Variants in CREB5 observed in about 807,000 individuals in gnomAD.
The protein encoded by CREB5 is cAMP responsive element binding protein 5.
A neutral mutation model predicts 57.1 loss-of-function variants in CREB5; 19 were observed. The ratio of observed to expected loss-of-function variants is 0.33; its 90% CI spans 0.23 to 0.49. CREB5 has a LOEUF of 0.49. CREB5 is among the 20% of genes least tolerant of loss of function. The pLI, the probability that CREB5 is intolerant of heterozygous loss-of-function variation, is 0.99. For synonymous variants in CREB5, 238 were observed against 238.3 expected (o/e 1.00, Z 0.01); for missense variants, 579 against 671.6 (o/e 0.86, Z 1.52).
chr7:28,668,987 C>T (rs1017577353), intron 5 of CREB5, among the ~76,000 whole-genome samples: 18 of 152,140 alleles, frequency 1.2e-4, no homozygotes, highest in African/African-American at 4.3e-4. Context: ...TCCCAGTATG[C>T]AACACGAGAA....
chr7:28,700,105 T>C (rs1801772724), intron 5 of CREB5, among the ~76,000 whole-genome samples: 1 of 152,224 alleles, frequency 6.6e-6, no homozygotes, highest in Admixed American at 6.5e-5. Context: ...TATTAAGCTA[T>C]GAATGACAGT....
chr7:28,449,505 C>A (rs1488879227), intron 1 of CREB5, among the ~76,000 whole-genome samples: 1 of 152,222 alleles, frequency 6.6e-6, no homozygotes, highest in East Asian at 1.9e-4. Context: ...TTGCCCTCCT[C>A]TCTTCTACAT....
At chr7:28,400,857 G>C (rs1787447268) in intron 1 of CREB5, among the ~76,000 whole-genome samples, 1 of 152,182 alleles carries the variant, frequency 6.6e-6, no homozygotes, top group South Asian at 2.1e-4. Flanking sequence ...ACAAAAAGAA[G>C]TGCTATGTGA....
intron 5 of CREB5, among the ~76,000 whole-genome samples, chr7:28,695,554 T>G (rs955235483): frequency 1.3e-5 from 2 of 152,204 alleles, no homozygotes; most frequent in African/African-American, 4.8e-5. Context: ...ACAAGATAGC[T>G]TGCTTTTTGC....
chr7:28,695,339 C>T (rs908509138), intron 5 of CREB5, among the ~76,000 whole-genome samples: 1 of 152,216 alleles, frequency 6.6e-6, no homozygotes, highest in Non-Finnish European at 1.5e-5. Flanking sequence ...CATTTCTGCC[C>T]TGCCAGGCCA....
chr7:28,752,802 G>GA (rs889421820), intron 7 of CREB5, among the ~76,000 whole-genome samples: 5 of 150,724 alleles, frequency 3.3e-5, no homozygotes, highest in Admixed American at 6.6e-5. Context: ...TATATAATGA[G>GA]AAAAAAACAG....
chr7:28,381,044 C>A (rs888934995), intron 1 of CREB5, among the ~76,000 whole-genome samples: 2 of 152,124 alleles, frequency 1.3e-5, no homozygotes, highest in African/African-American at 2.4e-5. Flanking sequence ...CTCATTACAT[C>A]CCGGTTCCAG....
intron 5 of CREB5, among the ~76,000 whole-genome samples, chr7:28,658,961 A>ATATATATATATATATATATATATATATG (rs1799459897): frequency 7.3e-6 from 1 of 136,808 alleles, no homozygotes; most frequent in Non-Finnish European, 1.6e-5. Context: ...GTGTATATAT[A>ATATATATATATATATATATATATATATG]TATATATATA....
chr7:28,737,669 G>T (rs569913591), intron 7 of CREB5, among the ~76,000 whole-genome samples: 6 of 150,276 alleles, frequency 4.0e-5, no homozygotes, highest in Admixed American at 1.3e-4. Context: ...TGTTCAAGGT[G>T]CATAGTCTCA....
intron 4 of CREB5, among the ~76,000 whole-genome samples, chr7:28,533,490 C>G (rs112494581): frequency 6.6e-6 from 1 of 152,224 alleles, no homozygotes; most frequent in African/African-American, 2.4e-5. Context: ...CATGGAGACA[C>G]TGACTTCAGT....
intron 5 of CREB5, among the ~76,000 whole-genome samples, chr7:28,578,101 C>A (rs558846689): frequency 2.0e-5 from 3 of 152,312 alleles, no homozygotes; most frequent in Admixed American, 2.0e-4. Flanking sequence ...TGTGGAAGAT[C>A]TGAAACACAG....
intron 1 of CREB5, among the ~76,000 whole-genome samples, chr7:28,414,873 C>A (rs1235597570): frequency 6.6e-6 from 1 of 151,796 alleles, no homozygotes; most frequent in Non-Finnish European, 1.5e-5. Flanking sequence ...ATTTTTGAAG[C>A]TCTTATTGAG....
At position 28,659,485 on chromosome 7, in the gene CREB5, C is replaced by T. The variant is rs1314801919; in HGVS notation, c.465-59268C>T. On this transcript the variant is annotated intron_variant, in intron 5 of 10. Transcript: ENST00000357727. ...AGGTCCTGTAGCCAGCTGTGTTTTG[C>T]GTGCAGAGAGCACAAAGCCCTAAAC... Among the ~76,000 whole-genome samples the T allele has an allele frequency of 2.6e-5, 4 of 152,286 alleles. 1 individual carries two copies. The highest frequency in any genetic ancestry group is 2.4e-5 in the African/African-American group (1 of 41,570).
intron 5 of CREB5, among the ~76,000 whole-genome samples, chr7:28,669,941 T>C (rs1179536281): frequency 6.6e-6 from 1 of 152,230 alleles, no homozygotes; most frequent in African/African-American, 2.4e-5. Flanking sequence ...TGGGCTTCTC[T>C]TCTTGCTTTC....
chr7:28,687,251 TTTATG>T (rs1360901709), intron 5 of CREB5, among the ~76,000 whole-genome samples: 1 of 152,006 alleles, frequency 6.6e-6, no homozygotes, highest in African/African-American at 2.4e-5. Flanking sequence ...CTTTAAGACT[TTTATG>T]TTCTTGAATT....
chr7:28,460,800 C>T (rs182251217), intron 1 of CREB5, among the ~76,000 whole-genome samples: 4 of 150,866 alleles, frequency 2.7e-5, no homozygotes, highest in East Asian at 1.9e-4. Flanking sequence ...GGGGAGTTGT[C>T]GGGGGAAGAG....
chr7:28,362,846 C>T (rs1355558339), intron 1 of CREB5, among the ~76,000 whole-genome samples: 1 of 152,040 alleles, frequency 6.6e-6, no homozygotes, highest in Admixed American at 6.5e-5. Flanking sequence ...GTTTGACACC[C>T]CTGAGGCTCA....
intron 1 of CREB5, among the ~76,000 whole-genome samples, chr7:28,477,760 A>G (rs973931489): frequency 1.3e-5 from 2 of 152,072 alleles, no homozygotes; most frequent in African/African-American, 4.8e-5. Context: ...GTTTAGTAGG[A>G]AGTTGAGAAA....
intron 1 of CREB5, among the ~76,000 whole-genome samples, chr7:28,454,456 C>A (rs145098427): frequency 8.5e-5 from 13 of 152,270 alleles, no homozygotes; most frequent in African/African-American, 3.1e-4. Flanking sequence ...TGTCTGCCGT[C>A]CTATGGCATT....
Sources: gnomAD v4.1 joint callset for allele counts (sites outside exome capture counted in the v4.1 genomes callset) on GRCh38, gnomAD v4.1.1 for gene constraint, MANE v1.5 for transcripts, NCBI Gene and HGNC (gene_info 2026-07-23, HGNC 2026-07-21) for gene names.